Variants in ARHGAP18 observed in about 807,000 individuals in gnomAD.
ARHGAP18 encodes rho GTPase-activating protein 18.
In ARHGAP18, 67 loss-of-function variants were observed where a neutral mutation model predicts 86.2. The observed-to-expected ratio is 0.78, with a 90% confidence interval of 0.64 to 0.95. The LOEUF is 0.95. ARHGAP18 is among the 40% of genes least tolerant of loss of function. The pLI is 0.00. For missense variants in ARHGAP18, 691 were observed against 780.4 expected (o/e 0.89, Z 1.37); for synonymous variants, 283 against 280.4 (o/e 1.01, Z -0.09).
chr6:129,607,373 A>G (rs142922006), intron 9 of ARHGAP18, among the ~76,000 whole-genome samples: 425 of 152,322 alleles, frequency 2.8e-3, no homozygotes, highest in East Asian at 0.022. Context: ...ATGGCAGTAC[A>G]TAAGAAGCAG....
rs1290806793 is a variant in ARHGAP18, at chr6:129,595,216, AAT to A, written c.1713+3998_1713+3999del. 3.3e-5 allele frequency among the ~76,000 whole-genome samples: 5 copies of A among 152,292 alleles called. No homozygotes were observed. The East Asian group carries it at 9.6e-4, about 29-fold the overall frequency. On this transcript the variant is annotated intron_variant, in intron 12 of 14. Transcript: ENST00000368149. ...AAAATCATAGCTATTACCCCCTAAA[AAT>A]ATAGCACTACACCATTCACTGACTC... is the stretch of plus-strand genomic sequence containing the variant.
At chr6:129,641,568 C>CT (rs1562706592) in intron 2 of ARHGAP18, among the ~76,000 whole-genome samples, 1 of 152,154 alleles carries the variant, frequency 6.6e-6, no homozygotes, top group Non-Finnish European at 1.5e-5. Context: ...CTCTAAAAAG[C>CT]TATGATACAG....
At chr6:129,698,690 AG>A (rs1284184426) in intron 1 of ARHGAP18, among the ~76,000 whole-genome samples, 4 of 97,816 alleles carry the variant, frequency 4.1e-5, no homozygotes, top group Non-Finnish European at 5.9e-5. Context: ...CACCACGCCC[AG>A]TTTTTTTTTT....
rs936879271 is a variant in ARHGAP18 at position 129,618,783 on chromosome 6, T to C, written c.856A>G (p.Lys286Glu). ...TCAATTAGGGCTAAATGGCAAACTT[T>C]CTTCATGTCCTGGGGTGCGAGGTCA... Reference protein sequence around the residue: ...IGDLAPQDMKKVCHLALIELT... With the variant: ...IGDLAPQDMKEVCHLALIELT... Residue 286 changes from lysine (K) to glutamate (E), a missense_variant, in exon 6 of 15, where the codon AAA (lysine) becomes GAA (glutamate). Transcript: ENST00000368149. The C allele has an allele frequency of 1.2e-6, 2 of 1,613,746 alleles. No individual in the cohort carries two copies. The highest frequency in any genetic ancestry group is 2.2e-5 in the East Asian group (1 of 44,866).
chr6:129,665,794 T>A (rs1394864670), intron 1 of ARHGAP18, among the ~76,000 whole-genome samples: 1 of 152,114 alleles, frequency 6.6e-6, no homozygotes, highest in African/African-American at 2.4e-5. Flanking sequence ...TCTCTGAACC[T>A]CGGTTTTTTC....
intron 1 of ARHGAP18, among the ~76,000 whole-genome samples, chr6:129,675,584 T>A (rs1420753118): frequency 2.0e-5 from 3 of 152,126 alleles, no homozygotes; most frequent in African/African-American, 7.2e-5. Flanking sequence ...CTAAAAAAGA[T>A]GGATACTTCT....
At chr6:129,614,416 T>C (rs928446424) in intron 7 of ARHGAP18, among the ~76,000 whole-genome samples, 2 of 152,178 alleles carry the variant, frequency 1.3e-5, no homozygotes, top group Admixed American at 6.5e-5. Context: ...TGCTCCTTTA[T>C]TTTTTATAGA....
At chr6:129,671,484 A>G (rs996395334) in intron 1 of ARHGAP18, among the ~76,000 whole-genome samples, 5 of 152,154 alleles carry the variant, frequency 3.3e-5, no homozygotes, top group African/African-American at 1.2e-4. Flanking sequence ...AGACTGCTTG[A>G]GCCTGGGGGT....
chr6:129,585,020 CTTTTT>C (rs59934135), intron 12 of ARHGAP18, among the ~76,000 whole-genome samples: 1 of 143,054 alleles, frequency 7.0e-6, no homozygotes. Flanking sequence ...ATATCATGTC[CTTTTT>C]TTTTTTTTTT....
chr6:129,642,064 G>A (rs750629175), intron 1 of ARHGAP18, 46 bp from the exon 2 acceptor site: 1 of 1,560,938 alleles, frequency 6.4e-7, no homozygotes, highest in Admixed American at 1.7e-5. Context: ...ACAAAAGGAA[G>A]CAGTATAATT....
intron 5 of ARHGAP18, among the ~76,000 whole-genome samples, chr6:129,619,900 A>G (rs1460480281): frequency 6.6e-6 from 1 of 151,690 alleles, no homozygotes; most frequent in Non-Finnish European, 1.5e-5. Context: ...TAGTTGTGTG[A>G]CTTATGGCAA....
At chr6:129,705,752 A>G (rs913940273) in intron 1 of ARHGAP18, among the ~76,000 whole-genome samples, 1 of 151,918 alleles carries the variant, frequency 6.6e-6, no homozygotes, top group African/African-American at 2.4e-5. Flanking sequence ...CAAACCAGAC[A>G]CTCTTCTATG....
At chr6:129,688,813 A>C (rs899974813) in intron 1 of ARHGAP18, among the ~76,000 whole-genome samples, 1 of 151,938 alleles carries the variant, frequency 6.6e-6, no homozygotes, top group Non-Finnish European at 1.5e-5. Context: ...AATATGCCTT[A>C]TCATTGGTAG....
At chr6:129,587,049 C>A (rs984537582) in intron 12 of ARHGAP18, among the ~76,000 whole-genome samples, 1 of 152,112 alleles carries the variant, frequency 6.6e-6, no homozygotes, top group Non-Finnish European at 1.5e-5. Flanking sequence ...TCTGTAGCCA[C>A]CCATCAATGT....
chr6:129,688,854 AGCT>A (rs1774478110), intron 1 of ARHGAP18, among the ~76,000 whole-genome samples: 1 of 152,246 alleles, frequency 6.6e-6, no homozygotes, highest in South Asian at 2.1e-4. Flanking sequence ...ATCCAAATAT[AGCT>A]GCTACCAGTG....
Position 129,676,915 on chromosome 6 carries a change from C to CTTTTTTTTTTTTTTTTTTTT in ARHGAP18, c.113+33089_113+33108dup, listed in dbSNP as rs10688716. Among the ~76,000 whole-genome samples the CTTTTTTTTTTTTTTTTTTTT allele has an allele frequency of 8.2e-4, 31 of 37,996 alleles. 4 individuals carry two copies. Among genetic ancestry groups the CTTTTTTTTTTTTTTTTTTTT allele is most frequent in the African/African-American group, 2.1e-3 (31 of 14,520 alleles). 24.9% of individuals were successfully genotyped at this position (37,996 alleles called of 152,430 possible). Reference sequence around the variant, plus strand: ...AAACAGATGAAAAATTTTTTGTCCTCTTTTTTTTTTTTTTTTTTTTTTTTT... The same window carrying CTTTTTTTTTTTTTTTTTTTT: ...AAACAGATGAAAAATTTTTTGTCCTCTTTTTTTTTTTTTTTTTTTTTTTTTTTTTTTTTTTTTTTTTTTTT... On this transcript the variant is annotated intron_variant, in intron 1 of 14. Coordinates refer to ENST00000368149, the MANE Select transcript of ARHGAP18 (RefSeq NM_033515.3).
intron 1 of ARHGAP18, among the ~76,000 whole-genome samples, chr6:129,678,108 C>T (rs888023582): frequency 2.6e-5 from 4 of 152,208 alleles, no homozygotes; most frequent in African/African-American, 9.6e-5. Context: ...TACATGCACA[C>T]AAGTTATACC....
chr6:129,650,023 C>T (rs1016919729), intron 1 of ARHGAP18, among the ~76,000 whole-genome samples: 1 of 151,196 alleles, frequency 6.6e-6, no homozygotes, highest in Non-Finnish European at 1.5e-5. Context: ...AGTTATTCTC[C>T]TGCCTCAGTC....
chr6:129,689,102 T>C (rs1252780436), intron 1 of ARHGAP18, among the ~76,000 whole-genome samples: 1 of 152,046 alleles, frequency 6.6e-6, no homozygotes, highest in African/African-American at 2.4e-5. Flanking sequence ...ATCTGAAATT[T>C]CTGGAGGAAT....
Sources: allele counts gnomAD v4.1 joint callset (sites outside exome capture counted in the v4.1 genomes callset), GRCh38; gene constraint gnomAD v4.1.1; transcripts MANE v1.5; gene names NCBI Gene and HGNC (gene_info 2026-07-23, HGNC 2026-07-21).